The following NARS2 variants were observed in gnomAD, a reference collection of about 807,000 sequenced individuals.
The protein encoded by NARS2 is asparaginyl-tRNA synthetase.
A neutral mutation model predicts 62.9 loss-of-function variants in NARS2; 60 were observed. The ratio of observed to expected loss-of-function variants is 0.95; its 90% CI spans 0.77 to 1.18. The LOEUF (loss-of-function observed/expected upper bound fraction) is 1.18, where lower values mean the gene tolerates loss of function less well. Among genes scored for constraint, NARS2 ranks in the 50% most tolerant of loss-of-function variants. The pLI is 0.00. For missense variants in NARS2, 619 were observed against 576.4 expected, an observed-to-expected ratio of 1.07 and a Z score of -0.76; for synonymous variants, 196 against 200.0, an observed-to-expected ratio of 0.98 and a Z score of 0.17.
At chr11:78,521,449 A>G (rs1339132470) in intron 6 of NARS2, among the ~76,000 whole-genome samples, 5 of 152,112 alleles carry the variant, frequency 3.3e-5, no homozygotes, top group Non-Finnish European at 5.9e-5. Context: ...TTGAGATTGC[A>G]GGCTTAAGCC....
In NARS2 at chr11:78,467,016, A is replaced by G. The variant is rs559808868; in HGVS notation, c.1027-1003T>C. Among the ~76,000 whole-genome samples the G allele has an allele frequency of 3.3e-5, 5 of 152,350 alleles. No individual in the cohort carries two copies. In the South Asian group the frequency reaches 1.0e-3, roughly 32 times the overall value. On this transcript the variant is annotated intron_variant, in intron 10 of 13. Coordinates refer to ENST00000281038, the MANE Select transcript of NARS2 (RefSeq NM_024678.6). ...CTTACACAAAGAATTGATCATAAATATAACAAACAGAGGTTACTTTTGTAA... is the reference window on the plus strand; with the variant it reads ...CTTACACAAAGAATTGATCATAAATGTAACAAACAGAGGTTACTTTTGTAA...
chr11:78,486,669 A>G (rs147920681), intron 7 of NARS2, among the ~76,000 whole-genome samples: 15 of 152,336 alleles, frequency 9.8e-5, no homozygotes, highest in Middle Eastern at 3.4e-3. Context: ...CAGAACCCAG[A>G]GTGTCAGAAC....
intron 11 of NARS2, among the ~76,000 whole-genome samples, chr11:78,455,671 T>C (rs1247635288): frequency 6.6e-6 from 1 of 151,988 alleles, no homozygotes; most frequent in Non-Finnish European, 1.5e-5. Context: ...TGGCTCTAAG[T>C]CCATAGCTCT....
intron 11 of NARS2, among the ~76,000 whole-genome samples, chr11:78,460,271 A>ATT (rs112389422): frequency 1.3e-3 from 187 of 145,290 alleles, no homozygotes; most frequent in African/African-American, 4.1e-3. Context: ...GATTGGGTTA[A>ATT]TTTTTTTTTT....
intron 6 of NARS2, among the ~76,000 whole-genome samples, chr11:78,526,825 C>T (rs1202123098): frequency 6.6e-6 from 1 of 152,062 alleles, no homozygotes; most frequent in Non-Finnish European, 1.5e-5. Flanking sequence ...TTGCTTCTAA[C>T]TTTATAAATA....
intron 3 of NARS2, among the ~76,000 whole-genome samples, 167 bp downstream of exon 3, chr11:78,568,465 A>G (rs1380296949): frequency 3.3e-5 from 5 of 152,224 alleles, no homozygotes; most frequent in Admixed American, 3.3e-4. Context: ...TAAGCTATGT[A>G]CATAAATAAT....
chr11:78,522,864 G>T (rs1306924313), intron 6 of NARS2, among the ~76,000 whole-genome samples: 1 of 152,180 alleles, frequency 6.6e-6, no homozygotes, highest in Non-Finnish European at 1.5e-5. Context: ...GACAGCATAT[G>T]TTCCAGGTTC....
chr11:78,453,438 A>C (rs147091340), intron 11 of NARS2, among the ~76,000 whole-genome samples: 1 of 152,294 alleles, frequency 6.6e-6, no homozygotes, highest in Admixed American at 6.5e-5. Context: ...ACTGAAAATA[A>C]AACTCAGACC....
intron 5 of NARS2, among the ~76,000 whole-genome samples, chr11:78,554,545 A>G (rs962952539): frequency 4.5e-5 from 3 of 67,302 alleles, no homozygotes; most frequent in Non-Finnish European, 8.3e-5. Context: ...TGTGAATGGG[A>G]CTGACTTTCT....
chr11:78,500,497 A>G (rs1860240027), intron 6 of NARS2, among the ~76,000 whole-genome samples: 1 of 151,900 alleles, frequency 6.6e-6, no homozygotes, highest in South Asian at 2.1e-4. Context: ...TTTTTGAGGC[A>G]GGGTCTTGCT....
intron 6 of NARS2, among the ~76,000 whole-genome samples, chr11:78,504,171 CA>C (rs748083949): frequency 6.6e-6 from 1 of 152,168 alleles, no homozygotes; most frequent in Non-Finnish European, 1.5e-5. Context: ...AACTTCACAC[CA>C]TATTGTCCTA....
chr11:78,484,944 GC>G (rs1859508648), intron 7 of NARS2, among the ~76,000 whole-genome samples: 1 of 152,184 alleles, frequency 6.6e-6, no homozygotes, highest in East Asian at 1.9e-4. Flanking sequence ...CATGTTTATT[GC>G]AGTACTATTT....
chr11:78,469,543 T>C (rs1423905582), intron 9 of NARS2, among the ~76,000 whole-genome samples: 4 of 152,216 alleles, frequency 2.6e-5, no homozygotes, highest in Non-Finnish European at 2.9e-5. Context: ...GCTAGTCACT[T>C]AAGCAAGTAA....
intron 5 of NARS2, among the ~76,000 whole-genome samples, chr11:78,535,194 T>C (rs1230078681): frequency 1.3e-5 from 2 of 152,204 alleles, no homozygotes; most frequent in East Asian, 3.8e-4. Context: ...GTGATGTGAA[T>C]ATATGGGTGT....
At chr11:78,468,029 A>G (rs2135221127) in intron 10 of NARS2, among the ~76,000 whole-genome samples, 1 of 147,510 alleles carries the variant, frequency 6.8e-6, no homozygotes, top group Non-Finnish European at 1.5e-5. Flanking sequence ...TTGTTTATCA[A>G]GTAAGTATTG....
intron 6 of NARS2, among the ~76,000 whole-genome samples, chr11:78,517,001 T>G (rs1363563171): frequency 6.6e-6 from 1 of 152,218 alleles, no homozygotes; most frequent in Non-Finnish European, 1.5e-5. Context: ...ACATCATTTT[T>G]AAGCTGAGTT....
intron 6 of NARS2, 69 bp from the exon 7 acceptor site, chr11:78,493,264 T>C: frequency 6.8e-7 from 1 of 1,466,892 alleles, no homozygotes; most frequent in Non-Finnish European, 9.3e-7. Flanking sequence ...AAATATTCAG[T>C]GAGCTCTTAC....
intron 5 of NARS2, among the ~76,000 whole-genome samples, chr11:78,554,508 C>CGTGTGTGTGTGTGTGTGTGTGTGTGT (rs71046981): frequency 4.8e-4 from 70 of 147,008 alleles, no homozygotes; most frequent in Middle Eastern, 3.4e-3. Flanking sequence ...GGCGTGTGTG[C>CGTGTGTGTGTGTGTGTGTGTGTGTGT]GTGTGTGTGT....
At chr11:78,467,941 G>C (rs1858691635) in intron 10 of NARS2, among the ~76,000 whole-genome samples, 1 of 151,458 alleles carries the variant, frequency 6.6e-6, no homozygotes, top group Non-Finnish European at 1.5e-5. Flanking sequence ...TAAACTCCTG[G>C]GCTCAAGCAA....
Sources: allele counts gnomAD v4.1 joint callset (sites outside exome capture counted in the v4.1 genomes callset), GRCh38; gene constraint gnomAD v4.1.1; transcripts MANE v1.5; gene names NCBI Gene and HGNC (gene_info 2026-07-23, HGNC 2026-07-21).